Variants in ZFYVE16 observed in about 807,000 individuals in gnomAD.
ZFYVE16 encodes the protein zinc finger FYVE domain-containing protein 16.
A neutral mutation model predicts 138.1 loss-of-function variants in ZFYVE16; 89 were observed. The observed-to-expected ratio is 0.64, with a 90% CI of 0.54 to 0.77. ZFYVE16 has a LOEUF of 0.77. Among genes scored for constraint, ZFYVE16 ranks in the 30% least tolerant of loss-of-function variants. ZFYVE16 has a pLI of 0.00. For synonymous variants in ZFYVE16, 596 were observed against 618.3 expected (o/e 0.96, Z 0.53); for missense variants, 1,793 against 1,786.7 (o/e 1.00, Z -0.06).
In ZFYVE16 at chr5:80,441,412, A is replaced by G. The variant is rs186486181; in HGVS notation, c.2419+1380A>G. 71 of 985,372 alleles carry G rather than the reference A, an allele frequency of 7.2e-5. No individual in the cohort carries two copies. The African/African-American group carries it at 1.2e-3, about 16-fold the overall frequency. 61.0% of individuals were successfully genotyped at this position (985,372 alleles called of 1,614,324 possible). ...TTATTTAGTTATCTGTTCAAATTCT[A>G]TTTTGATGTCTTATAGCATATAGTT... On this transcript the variant is annotated intron_variant, in intron 5 of 18. Transcript: ENST00000505560.
At chr5:80,453,803 T>C (rs1403334612) in intron 11 of ZFYVE16, among the ~76,000 whole-genome samples, 1 of 152,228 alleles carries the variant, frequency 6.6e-6, no homozygotes, top group Non-Finnish European at 1.5e-5. Flanking sequence ...TAAAAGTAAC[T>C]GTCTCAAATT....
intron 3 of ZFYVE16, 25 bp downstream of exon 3, chr5:80,434,242 G>A (rs371588030): frequency 1.5e-5 from 24 of 1,608,484 alleles, no homozygotes; most frequent in Admixed American, 1.3e-4. Context: ...CATTTTTGCC[G>A]CTAATGGGAT....
At position 80,479,756 on chromosome 5, in the gene ZFYVE16, C is replaced by T. The variant is rs1755195798; in HGVS notation, c.*2379C>T. 6.6e-6 allele frequency among the ~76,000 whole-genome samples: 1 copy of T among 152,180 alleles called. No homozygotes were observed. Among genetic ancestry groups the T allele is most frequent in the Non-Finnish European group, 1.5e-5 (1 of 68,022 alleles). On this transcript the variant is annotated 3_prime_UTR_variant, in exon 19 of 19. Coordinates refer to ENST00000505560, the MANE Select transcript of ZFYVE16 (RefSeq NM_001284236.3). ...AGAGAAGCAAGCATGTACCCTTACTCTGACAACCTTATGAGTGAGGGGGAC... is the reference window on the plus strand; with the variant it reads ...AGAGAAGCAAGCATGTACCCTTACTTTGACAACCTTATGAGTGAGGGGGAC...
intron 1 of ZFYVE16, among the ~76,000 whole-genome samples, chr5:80,410,827 C>T (rs981426087): frequency 1.3e-5 from 2 of 151,034 alleles, no homozygotes; most frequent in Non-Finnish European, 3.0e-5. Flanking sequence ...CTCGGCCTCC[C>T]AAAGTGCTGG....
At chr5:80,459,087 C>G (rs1752829665) in intron 14 of ZFYVE16, among the ~76,000 whole-genome samples, 1 of 152,146 alleles carries the variant, frequency 6.6e-6, no homozygotes, top group African/African-American at 2.4e-5. Flanking sequence ...GCCACCACAC[C>G]TGGCTAATTT....
In ZFYVE16 at chr5:80,481,283, G is replaced by C. The variant is rs1367759683; in HGVS notation, c.*3906G>C. ...CCCTGACTTTCTAGCCAAAAACCAA[G>C]AATGGGGTTCTAGAAACCAGAGTAT... is the stretch of plus-strand genomic sequence containing the variant. On this transcript the variant is annotated 3_prime_UTR_variant, in exon 19 of 19. Transcript: ENST00000505560. Among the ~76,000 whole-genome samples, 1 of 152,152 alleles carries C rather than the reference G, an allele frequency of 6.6e-6. No homozygotes were observed. Among genetic ancestry groups the C allele is most frequent in the Non-Finnish European group, 1.5e-5 (1 of 68,020 alleles).
intron 3 of ZFYVE16, 49 bp from the exon 4 acceptor site, chr5:80,436,707 A>T (rs750658851): frequency 6.8e-7 from 1 of 1,468,184 alleles, no homozygotes; most frequent in East Asian, 2.3e-5. Flanking sequence ...ATGTTTAATA[A>T]TTTTTATTTG....
At position 80,448,253 on chromosome 5, in the gene ZFYVE16, C is replaced by T; in HGVS notation, c.2952C>T (p.Val984=). 6.2e-7 allele frequency: 1 copy of T among 1,613,712 alleles called. No homozygotes were observed. The highest frequency in any genetic ancestry group is 1.7e-5 in the Admixed American group (1 of 60,000). The stretch of plus-strand genomic sequence containing the variant: ...AAGAACCATCTAGTCCTACTGGTGT[C>T]TTAGTTAACAGCAATTTACCTATTG... The part of the protein sequence containing the change: ...ETEEPSSPTG[V]LVNSNLPIAS... Residue 984 remains valine, a synonymous_variant, in exon 8 of 19, where the codon GTC becomes GTT. Coordinates refer to ENST00000505560, the MANE Select transcript of ZFYVE16 (RefSeq NM_001284236.3).
chr5:80,416,453 A>T (rs2112173606), intron 1 of ZFYVE16, among the ~76,000 whole-genome samples: 1 of 151,334 alleles, frequency 6.6e-6, no homozygotes, highest in South Asian at 2.1e-4. Context: ...ATGGGGTTTC[A>T]CCATGTTGGC....
intron 1 of ZFYVE16, among the ~76,000 whole-genome samples, chr5:80,417,278 G>A (rs1034336586): frequency 4.6e-5 from 7 of 151,910 alleles, no homozygotes; most frequent in African/African-American, 1.2e-4. Flanking sequence ...TTATTCCTAC[G>A]TCCCCTGTGA....
At chr5:80,417,075 T>C (rs1249928566) in intron 1 of ZFYVE16, among the ~76,000 whole-genome samples, 1 of 152,216 alleles carries the variant, frequency 6.6e-6, no homozygotes, top group Non-Finnish European at 1.5e-5. Context: ...ACCTCCTCCT[T>C]CAACAGGGAG....
At chr5:80,467,373 AG>A (rs988424024) in intron 15 of ZFYVE16, among the ~76,000 whole-genome samples, 6 of 152,236 alleles carry the variant, frequency 3.9e-5, no homozygotes, top group African/African-American at 1.4e-4. Context: ...CTGCACAAGC[AG>A]GAAGTGATAG....
chr5:80,415,464 T>C (rs1243825800), intron 1 of ZFYVE16, among the ~76,000 whole-genome samples: 1 of 152,194 alleles, frequency 6.6e-6, no homozygotes, highest in Admixed American at 6.6e-5. Context: ...CTTAGGCACC[T>C]CTTGATTGTG....
Position 80,482,959 on chromosome 5 carries a change from G to A in ZFYVE16, c.*5582G>A, listed in dbSNP as rs1006166827. Reference sequence around the variant, plus strand: ...CAGCTCACTGCAACCTCCGCCTCCCGGTTCAAGCAGTTCTCCTGTCTGAGC... The same window carrying A: ...CAGCTCACTGCAACCTCCGCCTCCCAGTTCAAGCAGTTCTCCTGTCTGAGC... On this transcript the variant is annotated 3_prime_UTR_variant, in exon 19 of 19. Transcript: ENST00000505560. The A allele has an allele frequency of 6.6e-6, 1 of 151,838 alleles. No individual in the cohort carries two copies. Among genetic ancestry groups the A allele is most frequent in the Admixed American group, 6.6e-5 (1 of 15,232 alleles). 9.4% of individuals were successfully genotyped at this position (151,838 alleles called of 1,614,324 possible). A position where few individuals can be genotyped will look rare whatever the true frequency, so the allele number is the denominator to read the frequency against.
chr5:80,475,956 C>CT (rs1754868591), intron 18 of ZFYVE16, among the ~76,000 whole-genome samples: 1 of 152,038 alleles, frequency 6.6e-6, no homozygotes, highest in African/African-American at 2.4e-5. Context: ...CCCTCACATC[C>CT]TTTTTTTGAG....
intron 15 of ZFYVE16, among the ~76,000 whole-genome samples, chr5:80,467,570 A>T (rs1321804302): frequency 6.6e-6 from 1 of 152,252 alleles, no homozygotes; most frequent in African/African-American, 2.4e-5. Context: ...TATGACAAAG[A>T]ATGCAGATTT....
chr5:80,419,158 G>A (rs34748622), intron 1 of ZFYVE16, among the ~76,000 whole-genome samples: 22,414 of 150,934 alleles, frequency 0.15, 1,941 homozygotes, highest in Middle Eastern at 0.24. Flanking sequence ...GCTCTCTGCA[G>A]CCTCAGCCTC....
At chr5:80,409,958 T>A (rs150457591) in intron 1 of ZFYVE16, 1 of 152,380 alleles carries the variant, frequency 6.6e-6, no homozygotes, top group African/African-American at 2.4e-5. Flanking sequence ...AATTGCTAGG[T>A]CATAGAGTTT....
chr5:80,461,163 T>TC (rs1753066286), intron 15 of ZFYVE16, among the ~76,000 whole-genome samples: 1 of 152,202 alleles, frequency 6.6e-6, no homozygotes, highest in South Asian at 2.1e-4. Context: ...ATTTCAGATT[T>TC]CACCTTTCAA....
Sources: allele counts gnomAD v4.1 joint callset (sites outside exome capture counted in the v4.1 genomes callset), GRCh38; gene constraint gnomAD v4.1.1; transcripts MANE v1.5; gene names NCBI Gene and HGNC (gene_info 2026-07-23, HGNC 2026-07-21).